The following ADD2 variants were observed in gnomAD, a reference collection of about 807,000 sequenced individuals.
ADD2 encodes beta-adducin.
ADD2 carries 23 observed loss-of-function variants against 83.0 expected under a neutral mutation model. The observed-to-expected ratio is 0.28, with a 90% CI of 0.20 to 0.39. The LOEUF is 0.39. Among genes scored for constraint, ADD2 ranks in the 10% least tolerant of loss-of-function variants. The probability of loss-of-function intolerance (pLI) is 1.00; values close to 1 mark genes in which losing one functional copy is unlikely to be tolerated. For synonymous variants in ADD2, 375 were observed against 375.4 expected (o/e 1.00, Z 0.01); for missense variants, 758 against 944.9 (o/e 0.80, Z 2.59).
intron 9 of ADD2, among the ~76,000 whole-genome samples, chr2:70,687,534 C>T (rs1183514767): frequency 2.6e-5 from 4 of 152,090 alleles, no homozygotes; most frequent in East Asian, 1.9e-4. Flanking sequence ...GTCTGCTTTC[C>T]GCTTCTTTTT....
At chr2:70,757,836 A>G (rs1674875899) in intron 1 of ADD2, among the ~76,000 whole-genome samples, 1 of 152,228 alleles carries the variant, frequency 6.6e-6, no homozygotes, top group African/African-American at 2.4e-5. Context: ...TCCATTGTTA[A>G]ATGAAATTGT....
intron 1 of ADD2, among the ~76,000 whole-genome samples, chr2:70,722,481 G>A (rs1178375568): frequency 1.3e-5 from 2 of 152,216 alleles, no homozygotes; most frequent in African/African-American, 4.8e-5. Context: ...TACATGGTGG[G>A]TGGCAGATCA....
Position 70,688,130 on chromosome 2 carries a change from GAAAT to G in ADD2, c.850-12_850-9del, listed in dbSNP as rs781877285. Reference sequence around the variant, plus strand: ...GTTTCTTAGCACCAGGATCTGTAGAGAAATAAATAGTCAATTAAAACCTTAAGTC... The same window carrying G: ...GTTTCTTAGCACCAGGATCTGTAGAGAAATAGTCAATTAAAACCTTAAGTC... On this transcript the variant is annotated splice_polypyrimidine_tract_variant and intron_variant, in intron 8 of 15. Transcript: ENST00000264436. 1.7e-5 allele frequency: 27 copies of G among 1,609,950 alleles called. No homozygotes were observed. The highest frequency in any genetic ancestry group is 2.2e-5 in the East Asian group (1 of 44,876).
intron 1 of ADD2, among the ~76,000 whole-genome samples, chr2:70,762,791 C>T (rs540574616): frequency 4.4e-4 from 65 of 149,190 alleles, no homozygotes; most frequent in African/African-American, 1.3e-3. Context: ...CTGCAACCTC[C>T]GCCTCCCGGG....
chr2:70,714,870 T>C (rs1672386412), intron 1 of ADD2, among the ~76,000 whole-genome samples: 1 of 152,214 alleles, frequency 6.6e-6, no homozygotes, highest in East Asian at 1.9e-4. Context: ...AGCTATTTTT[T>C]GTGTGTGCTA....
intron 8 of ADD2, among the ~76,000 whole-genome samples, chr2:70,689,419 T>G (rs2104309703): frequency 6.6e-6 from 1 of 152,336 alleles, no homozygotes; most frequent in Non-Finnish European, 1.5e-5. Context: ...GCTCTAAACA[T>G]CACATCCTCT....
intron 2 of ADD2, among the ~76,000 whole-genome samples, chr2:70,707,243 C>G (rs1553374696): frequency 6.6e-6 from 1 of 152,180 alleles, no homozygotes; most frequent in African/African-American, 2.4e-5. Context: ...AGGTGTGCAA[C>G]TTTATTAATG....
chr2:70,754,610 C>G (rs1399312361), intron 1 of ADD2, among the ~76,000 whole-genome samples: 1 of 152,176 alleles, frequency 6.6e-6, no homozygotes, highest in Admixed American at 6.5e-5. Context: ...TTCCCCTCCA[C>G]CACTCTCCTT....
Position 70,706,144 on chromosome 2 carries a change from G to A in ADD2, c.183+82C>T, listed in dbSNP as rs782217285. ...CTGACCCTGAGCAAGGGAAAGAGGA[G>A]TTACTCATCTTTCGGGTGGGTACAC... is the stretch of plus-strand genomic sequence containing the variant. On this transcript the variant is annotated intron_variant, in intron 3 of 15. Transcript: ENST00000264436. This position sits in a 1 kb window ranked among gnomAD's most constrained non-coding sequence, Gnocchi z 5.0. 34 of 1,431,392 alleles carry A rather than the reference G, an allele frequency of 2.4e-5. 1 individual carries two copies. The highest frequency in any genetic ancestry group is 3.2e-5 in the Non-Finnish European group (33 of 1,037,094). 88.7% of individuals were successfully genotyped at this position (1,431,392 alleles called of 1,614,324 possible).
intron 12 of ADD2, among the ~76,000 whole-genome samples, 170 bp from the exon 13 acceptor site, chr2:70,677,055 T>C (rs2104233769): frequency 6.6e-6 from 1 of 152,244 alleles, no homozygotes; most frequent in South Asian, 2.1e-4. Flanking sequence ...TCCAAGTCTG[T>C]TCCAGGGTGA....
chr2:70,681,503 G>A (rs983378642), intron 10 of ADD2, among the ~76,000 whole-genome samples: 16 of 152,182 alleles, frequency 1.1e-4, no homozygotes, highest in African/African-American at 3.6e-4. Context: ...TGAGGCTTCA[G>A]TGAGATTGAT....
chr2:70,743,059 A>G (rs1397702824), intron 1 of ADD2, among the ~76,000 whole-genome samples: 1 of 152,220 alleles, frequency 6.6e-6, no homozygotes, highest in Non-Finnish European at 1.5e-5. Flanking sequence ...CCACTCAAGA[A>G]TCCAAGACTG....
chr2:70,671,274 C>T (rs1245905570), intron 15 of ADD2, among the ~76,000 whole-genome samples: 2 of 152,040 alleles, frequency 1.3e-5, no homozygotes, highest in Non-Finnish European at 2.9e-5. Flanking sequence ...GAGAGTTGGC[C>T]CTACTGCCTG....
chr2:70,677,722 G>C (rs782329547), intron 12 of ADD2, 36 bp downstream of exon 12: 14 of 1,606,012 alleles, frequency 8.7e-6, no homozygotes, highest in Non-Finnish European at 1.0e-5. Context: ...CCCCAGTGTG[G>C]GAGAAGAAAG....
intron 1 of ADD2, among the ~76,000 whole-genome samples, chr2:70,721,220 T>C (rs1672713494): frequency 6.6e-6 from 1 of 152,244 alleles, no homozygotes; most frequent in South Asian, 2.1e-4. Context: ...TTCTCACAGT[T>C]TGTCAGTATT....
chr2:70,678,986 C>T, intron 10 of ADD2, 25 bp from the exon 11 acceptor site: 1 of 1,570,408 alleles, frequency 6.4e-7, no homozygotes, highest in Non-Finnish European at 8.6e-7. Context: ...AATAGAACCA[C>T]TTATGGGGTG....
intron 1 of ADD2, among the ~76,000 whole-genome samples, chr2:70,761,373 C>T (rs949429887): frequency 1.3e-5 from 2 of 150,942 alleles, no homozygotes; most frequent in Non-Finnish European, 3.0e-5. Flanking sequence ...CTTTGGGAGG[C>T]CGAGGTGGGT....
At position 70,674,963 on chromosome 2, in the gene ADD2, C is replaced by T. The variant is rs1670060313; in HGVS notation, c.1594-138G>A. Reference sequence around the variant, plus strand: ...GGCATGCAGCTCCTTGGAAACAGCTCAGGGCCTTGGGGTAGGGATTGTTCT... The same window carrying T: ...GGCATGCAGCTCCTTGGAAACAGCTTAGGGCCTTGGGGTAGGGATTGTTCT... On this transcript the variant is annotated intron_variant, in intron 13 of 15. Coordinates refer to ENST00000264436, the MANE Select transcript of ADD2 (RefSeq NM_001617.4). 1.0e-5 allele frequency: 14 copies of T among 1,390,326 alleles called. No individual in the cohort carries two copies. In the South Asian group the frequency reaches 2.0e-4, roughly 20 times the overall value. The allele number at this position is 1,390,326 out of a possible 1,614,324, so 86.1% of individuals were successfully genotyped here.
At chr2:70,683,335 G>A (rs372451611) in intron 10 of ADD2, among the ~76,000 whole-genome samples, 1 of 152,046 alleles carries the variant, frequency 6.6e-6, no homozygotes, top group Non-Finnish European at 1.5e-5. Context: ...CCTGGACTAC[G>A]ACTTTTCATA....
Sources: gnomAD v4.1 joint callset for allele counts (sites outside exome capture counted in the v4.1 genomes callset) on GRCh38, gnomAD v4.1.1 for gene constraint, Gnocchi (gnomAD v3.1) non-coding constraint, MANE v1.5 for transcripts, NCBI Gene and HGNC (gene_info 2026-07-23, HGNC 2026-07-21) for gene names.